The following CELF2 variants were observed in gnomAD, a reference collection of about 807,000 sequenced individuals.
CELF2 encodes the protein CUGBP Elav-like family member 2.
A neutral mutation model predicts 62.6 loss-of-function variants in CELF2; 8 were observed. The observed-to-expected ratio is 0.13, with a 90% CI of 0.07 to 0.23. The LOEUF (loss-of-function observed/expected upper bound fraction) is 0.23. CELF2 is among the 10% of genes least tolerant of loss of function. The pLI is 1.00. For missense variants in CELF2, 333 were observed against 671.0 expected (o/e 0.50, Z 5.56); for synonymous variants, 258 against 250.0 (o/e 1.03, Z -0.30).
At chr10:11,096,224 A>G (rs1022935452) in intron 1 of CELF2, 2 of 152,244 alleles carry the variant, frequency 1.3e-5, no homozygotes, top group Non-Finnish European at 2.9e-5. Context: ...GAGAAGTGCT[A>G]TGTTATGAAT....
chr10:11,251,965 C>A (rs1042123515), intron 4 of CELF2, among the ~76,000 whole-genome samples: 3 of 152,218 alleles, frequency 2.0e-5, no homozygotes, highest in Non-Finnish European at 4.4e-5. Context: ...ACCCCCAAGT[C>A]TTCTAGTTGG....
rs1388797969 is a variant in CELF2, at chr10:10,947,097, A to G, written c.89+27098A>G. Reference sequence around the variant, plus strand: ...AGAATGTGCAGTGCATGTCACAGGCAGGTCTGGAAGGCTTTGCTGTCCTTG... The same window carrying G: ...AGAATGTGCAGTGCATGTCACAGGCGGGTCTGGAAGGCTTTGCTGTCCTTG... On this transcript the variant is annotated intron_variant, in intron 2 of 13. Transcript: ENST00000636488. The surrounding 1 kb of genome is among the most constrained non-coding windows in gnomAD (Gnocchi z 4.1). The G allele has an allele frequency of 6.6e-6, 1 of 152,260 alleles. No homozygotes were observed. Among genetic ancestry groups the G allele is most frequent in the African/African-American group, 2.4e-5 (1 of 41,478 alleles). 9.4% of individuals were successfully genotyped at this position (152,260 alleles called of 1,614,324 possible).
At chr10:10,492,832 CA>C in the CELF2 span, among the ~76,000 whole-genome samples, 2 of 152,144 alleles carry the variant, frequency 1.3e-5, no homozygotes, top group East Asian at 3.9e-4. Context: ...ATCATGGGGG[CA>C]GTTTCCCCCA....
chr10:10,692,026 G>A, the CELF2 span, among the ~76,000 whole-genome samples: 2 of 151,528 alleles, frequency 1.3e-5, no homozygotes, highest in South Asian at 2.1e-4. Context: ...GATCCCATTT[G>A]TCAATTTTGT....
the CELF2 span, among the ~76,000 whole-genome samples, chr10:10,574,786 T>G: frequency 6.6e-6 from 1 of 151,920 alleles, no homozygotes; most frequent in Non-Finnish European, 1.5e-5. Context: ...CTTTGCTCAC[T>G]GCAACCTCTG....
the CELF2 span, among the ~76,000 whole-genome samples, chr10:10,489,090 T>G: frequency 2.0e-5 from 3 of 152,076 alleles, no homozygotes; most frequent in African/African-American, 7.2e-5. Flanking sequence ...CCCAGCCCTG[T>G]AAAGTGCTGT....
the CELF2 span, among the ~76,000 whole-genome samples, chr10:10,505,664 A>G: frequency 6.5e-3 from 989 of 152,260 alleles, 17 homozygotes; most frequent in African/African-American, 0.022. Flanking sequence ...GTAAAATTCT[A>G]GGTTCCCCAC....
At chr10:10,945,910 T>G (rs2047622932) in intron 2 of CELF2, 1 of 152,548 alleles carries the variant, frequency 6.6e-6, no homozygotes, top group Non-Finnish European at 1.5e-5. Context: ...TCCCACGTTT[T>G]CCCCCTGCTG....
At chr10:10,954,541 T>C (rs897105480) in intron 2 of CELF2, among the ~76,000 whole-genome samples, 18 of 152,264 alleles carry the variant, frequency 1.2e-4, no homozygotes, top group East Asian at 1.2e-3. Flanking sequence ...CCACCGCACC[T>C]GGCCAATTTG....
rs544499640 is a variant in CELF2 at position 10,809,594 on chromosome 10, T to G, written c.53+10777T>G. Among the ~76,000 whole-genome samples the G allele has an allele frequency of 7.9e-5, 12 of 152,316 alleles. No homozygotes were observed. The South Asian group carries it at 2.5e-3, about 32-fold the overall frequency. On this transcript the variant is annotated intron_variant, in intron 1 of 13. Transcript: ENST00000636488. ...GACAATAAGTCAAAAGTATATAAAC[T>G]TAAGCTAACGTTTAATAATTGATGC...
chr10:10,827,223 C>A (rs1285486999), intron 1 of CELF2, among the ~76,000 whole-genome samples: 3 of 152,054 alleles, frequency 2.0e-5, no homozygotes, highest in Admixed American at 6.5e-5. Context: ...TTGCATATCC[C>A]CATGAGCACA....
At chr10:11,129,555 G>A (rs1218339084) in intron 1 of CELF2, among the ~76,000 whole-genome samples, 1 of 152,144 alleles carries the variant, frequency 6.6e-6, no homozygotes, top group Non-Finnish European at 1.5e-5. Flanking sequence ...CCATTTCAGA[G>A]CCTGTTAATG....
At chr10:10,576,591 T>A in the CELF2 span, among the ~76,000 whole-genome samples, 2 of 152,190 alleles carry the variant, frequency 1.3e-5, no homozygotes, top group African/African-American at 4.8e-5. Flanking sequence ...CTGGGATGAC[T>A]TGTGTATTCC....
At chr10:10,724,307 T>C in the CELF2 span, among the ~76,000 whole-genome samples, 1 of 152,298 alleles carries the variant, frequency 6.6e-6, no homozygotes, top group Non-Finnish European at 1.5e-5. Flanking sequence ...GAAGGCCTCC[T>C]GGGCTGTTAG....
At position 11,005,392 on chromosome 10, in the gene CELF2, G is replaced by A. The variant is rs766367714; in HGVS notation, c.5G>A (p.Arg2His). 1.9e-6 allele frequency: 3 copies of A among 1,613,724 alleles called. No individual in the cohort carries two copies. The highest frequency in any genetic ancestry group is 2.5e-6 in the Non-Finnish European group (3 of 1,179,834). ...TGAGACTATCAGTATAGAAGCATGCGCTGTCCCAAATCCGCTGTTACTATG... is the reference window on the plus strand; with the variant it reads ...TGAGACTATCAGTATAGAAGCATGCACTGTCCCAAATCCGCTGTTACTATG... The change falls in exon 1 of 13, where the codon CGC (arginine) becomes CAC (histidine). Residue 2 changes from arginine to histidine, a missense_variant. Coordinates refer to the CELF2 transcript ENST00000416382. This position sits in a 1 kb window ranked among gnomAD's most constrained non-coding sequence, Gnocchi z 4.3.
At chr10:10,713,668 AGACCTATTCAT>A in the CELF2 span, among the ~76,000 whole-genome samples, 1 of 152,240 alleles carries the variant, frequency 6.6e-6, no homozygotes, top group Non-Finnish European at 1.5e-5. Flanking sequence ...ATTACCTCTA[AGACCTATTCAT>A]ATGCAATTGA....
intron 2 of CELF2, among the ~76,000 whole-genome samples, chr10:11,195,173 T>C (rs1235924738): frequency 6.6e-6 from 1 of 152,260 alleles, no homozygotes; most frequent in Non-Finnish European, 1.5e-5. Flanking sequence ...ATATTTCTCC[T>C]TCTGTTACAA....
intron 1 of CELF2, among the ~76,000 whole-genome samples, chr10:11,051,410 T>C (rs1348286106): frequency 6.6e-6 from 1 of 152,232 alleles, no homozygotes; most frequent in East Asian, 1.9e-4. Flanking sequence ...AATCTGGCAG[T>C]ATCCTTAGCC....
chr10:10,644,230 C>A, the CELF2 span, among the ~76,000 whole-genome samples: 3 of 152,276 alleles, frequency 2.0e-5, no homozygotes, highest in African/African-American at 7.2e-5. Flanking sequence ...TTAGAAAAAT[C>A]TCATTTATCT....
Sources: gnomAD v4.1 joint callset for allele counts (sites outside exome capture counted in the v4.1 genomes callset) on GRCh38, gnomAD v4.1.1 for gene constraint, Gnocchi (gnomAD v3.1) non-coding constraint, MANE v1.5 for transcripts, NCBI Gene and HGNC (gene_info 2026-07-23, HGNC 2026-07-21) for gene names.